GALNTL6: variants seen among roughly 807,000 people sequenced by gnomAD.
GALNTL6 encodes polypeptide N-acetylgalactosaminyltransferase-like 6.
In GALNTL6, 46 loss-of-function variants were observed where a neutral mutation model predicts 73.7. The ratio of observed to expected loss-of-function variants is 0.62; its 90% CI spans 0.49 to 0.80. The LOEUF (loss-of-function observed/expected upper bound fraction) is 0.80, where lower values mean the gene tolerates loss of function less well. GALNTL6 is among the 30% of genes least tolerant of loss of function. The pLI, the probability that GALNTL6 is intolerant of heterozygous loss-of-function variation, is 0.00. For missense variants in GALNTL6, 604 were observed against 755.0 expected (o/e 0.80, Z 2.34); for synonymous variants, 259 against 263.7 (o/e 0.98, Z 0.17).
intron 2 of GALNTL6, among the ~76,000 whole-genome samples, chr4:172,180,733 A>G: frequency 6.6e-6 from 1 of 152,076 alleles, no homozygotes; most frequent in Admixed American, 6.5e-5. Flanking sequence ...TGTTTTTGTC[A>G]GGTTTGTCAA....
intron 10 of GALNTL6, among the ~76,000 whole-genome samples, chr4:172,976,557 ACAT>A (rs994352381): frequency 6.6e-6 from 1 of 152,212 alleles, no homozygotes; most frequent in Admixed American, 6.5e-5. Flanking sequence ...TAGGCAAAAA[ACAT>A]CATATGAAAG....
At chr4:172,085,500 C>T (rs1732005289) in intron 2 of GALNTL6, among the ~76,000 whole-genome samples, 1 of 151,778 alleles carries the variant, frequency 6.6e-6, no homozygotes, top group African/African-American at 2.4e-5. Flanking sequence ...CCAGCTTGGG[C>T]AACATGGAGA....
chr4:172,717,793 A>G (rs1735198931), intron 5 of GALNTL6, among the ~76,000 whole-genome samples: 1 of 152,210 alleles, frequency 6.6e-6, no homozygotes, highest in Non-Finnish European at 1.5e-5. Flanking sequence ...AAAAGTCTGA[A>G]TGGACTCCCC....
chr4:172,424,836 G>C (rs1731170828), intron 5 of GALNTL6, among the ~76,000 whole-genome samples: 1 of 152,050 alleles, frequency 6.6e-6, no homozygotes, highest in African/African-American at 2.4e-5. Flanking sequence ...TGTACTCAAA[G>C]TATGTGTTCA....
chr4:172,771,826 C>G (rs560010202), intron 5 of GALNTL6, among the ~76,000 whole-genome samples: 1 of 151,942 alleles, frequency 6.6e-6, no homozygotes, highest in South Asian at 2.1e-4. Context: ...TTCTATAGGC[C>G]AAGAGATGGG....
intron 3 of GALNTL6, among the ~76,000 whole-genome samples, chr4:172,303,369 A>T (rs1740009521): frequency 6.6e-6 from 1 of 152,154 alleles, no homozygotes; most frequent in African/African-American, 2.4e-5. Context: ...CTACTTCCAG[A>T]ATAAGGCATC....
At chr4:172,725,236 A>G (rs1484589990) in intron 5 of GALNTL6, among the ~76,000 whole-genome samples, 1 of 152,196 alleles carries the variant, frequency 6.6e-6, no homozygotes, top group Non-Finnish European at 1.5e-5. Flanking sequence ...GAGGATTTTA[A>G]TTATAAACAT....
Position 173,010,698 on chromosome 4 carries a change from G to A in GALNTL6, c.1488+1404G>A, listed in dbSNP as rs6811254. ...CAACCTCCGACTCCCTGGTTCAAAC[G>A]ATTCTCCTTCCTCAGCCTCCCGAGA... is the stretch of plus-strand genomic sequence containing the variant. On this transcript the variant is annotated intron_variant, in intron 11 of 12. Transcript: ENST00000506823. Among the ~76,000 whole-genome samples the A allele has an allele frequency of 7.8e-4, 119 of 151,764 alleles. No individual in the cohort carries two copies. The East Asian group carries it at 0.015, about 19-fold the overall frequency.
intron 2 of GALNTL6, among the ~76,000 whole-genome samples, chr4:171,879,913 G>T (rs1736392043): frequency 6.6e-6 from 1 of 151,986 alleles, no homozygotes; most frequent in Non-Finnish European, 1.5e-5. Flanking sequence ...TTTTGTTTGG[G>T]CAAGTATCTT....
chr4:173,021,806 A>T (rs1371901226), intron 12 of GALNTL6, among the ~76,000 whole-genome samples, 181 bp downstream of exon 12: 1 of 152,028 alleles, frequency 6.6e-6, no homozygotes, highest in African/African-American at 2.4e-5. Context: ...CAGCCTGACC[A>T]ACATAGCGAA....
chr4:172,138,919 T>C (rs1047993652), intron 2 of GALNTL6, among the ~76,000 whole-genome samples: 1 of 152,170 alleles, frequency 6.6e-6, no homozygotes, highest in Non-Finnish European at 1.5e-5. Flanking sequence ...TTTCTTCCTC[T>C]ACTAAAGTGA....
chr4:172,016,319 G>A (rs1029758854), intron 2 of GALNTL6, among the ~76,000 whole-genome samples: 9 of 151,686 alleles, frequency 5.9e-5, no homozygotes, highest in African/African-American at 1.9e-4. Flanking sequence ...TTGTCTTCAC[G>A]CTCTGAAATT....
chr4:172,550,278 T>C (rs530806090), intron 5 of GALNTL6, among the ~76,000 whole-genome samples: 2 of 152,314 alleles, frequency 1.3e-5, no homozygotes, highest in Admixed American at 6.5e-5. Context: ...CTCCCATTGA[T>C]AGTGTGAGAG....
intron 2 of GALNTL6, among the ~76,000 whole-genome samples, chr4:172,206,796 TGTTTTTC>T (rs1736131887): frequency 3.2e-5 from 1 of 30,986 alleles, no homozygotes; most frequent in Non-Finnish European, 8.7e-5. Context: ...TGTTTTGTTT[TGTTTTTC>T]TGTTTTTTTT....
intron 5 of GALNTL6, among the ~76,000 whole-genome samples, chr4:172,646,627 TTAC>T (rs1355397328): frequency 2.6e-5 from 4 of 152,032 alleles, no homozygotes; most frequent in Non-Finnish European, 5.9e-5. Context: ...ATAGTTGATT[TTAC>T]TACATTTACA....
chr4:172,245,116 G>A (rs1042212099), intron 3 of GALNTL6, among the ~76,000 whole-genome samples: 5 of 152,128 alleles, frequency 3.3e-5, no homozygotes, highest in Non-Finnish European at 7.4e-5. Flanking sequence ...AGTACACTAA[G>A]ATTAAATTGA....
chr4:172,925,026 C>T (rs955314471), intron 8 of GALNTL6, among the ~76,000 whole-genome samples: 1 of 152,052 alleles, frequency 6.6e-6, no homozygotes, highest in Non-Finnish European at 1.5e-5. Context: ...TGCCTGCCAC[C>T]ACGCCCGGCT....
chr4:172,289,822 A>G, intron 3 of GALNTL6, among the ~76,000 whole-genome samples: 1 of 152,172 alleles, frequency 6.6e-6, no homozygotes, highest in East Asian at 1.9e-4. Flanking sequence ...CAACCCTCCT[A>G]GAAGAGAATG....
Position 172,070,171 on chromosome 4 carries a change from A to T in GALNTL6, c.139-159485A>T, listed in dbSNP as rs1390823432. Among the ~76,000 whole-genome samples, 2 of 109,934 alleles carry T rather than the reference A, an allele frequency of 1.8e-5. 1 individual carries two copies. The highest frequency in any genetic ancestry group is 4.0e-5 in the Non-Finnish European group (2 of 49,414). 72.1% of individuals were successfully genotyped at this position (109,934 alleles called of 152,430 possible). ...ATTCTGGCTGGAACAAAAAGATGAG[A>T]TAACAATTTTGTTTTCAAATCATAC... On this transcript the variant is annotated intron_variant, in intron 2 of 12. Transcript: ENST00000506823.
Sources: gnomAD v4.1 joint callset for allele counts (sites outside exome capture counted in the v4.1 genomes callset) on GRCh38, gnomAD v4.1.1 for gene constraint, MANE v1.5 for transcripts, NCBI Gene and HGNC (gene_info 2026-07-23, HGNC 2026-07-21) for gene names.